PDE1A: variants seen among roughly 807,000 people sequenced by gnomAD.
PDE1A encodes the protein dual specificity calcium/calmodulin-dependent 3',5'-cyclic nucleotide phosphodiesterase 1A.
Under a neutral mutation model 61.7 loss-of-function variants are expected in PDE1A, and 35 were observed. That is an observed-to-expected ratio of 0.57 (90% CI 0.43 to 0.75). PDE1A has a LOEUF of 0.75. PDE1A is among the 30% of genes least tolerant of loss of function. PDE1A has a pLI of 0.00. For missense variants in PDE1A, 597 were observed against 630.6 expected (o/e 0.95, Z 0.57); for synonymous variants, 232 against 213.2 (o/e 1.09, Z -0.77).
At chr2:182,195,330 C>T (rs931002444) in intron 10 of PDE1A, among the ~76,000 whole-genome samples, 1 of 151,996 alleles carries the variant, frequency 6.6e-6, no homozygotes, top group Non-Finnish European at 1.5e-5. Flanking sequence ...CTTTGCTCCT[C>T]ACAATCATCC....
At chr2:182,174,915 C>A (rs1692593349) in intron 13 of PDE1A, among the ~76,000 whole-genome samples, 1 of 152,162 alleles carries the variant, frequency 6.6e-6, no homozygotes, top group South Asian at 2.1e-4. Context: ...CTCTGACAGG[C>A]CCTGGTGTAT....
chr2:182,287,392 A>AT (rs887354007), intron 1 of PDE1A, among the ~76,000 whole-genome samples: 4 of 152,046 alleles, frequency 2.6e-5, no homozygotes, highest in African/African-American at 9.7e-5. Flanking sequence ...CAGGCTATTT[A>AT]TTTTTTATTT....
chr2:182,586,542 A>C, the PDE1A span, among the ~76,000 whole-genome samples: 3 of 152,118 alleles, frequency 2.0e-5, no homozygotes, highest in Admixed American at 2.0e-4. Context: ...TACACTGCAC[A>C]TGGTATTATT....
intron 2 of PDE1A, among the ~76,000 whole-genome samples, chr2:182,464,754 A>C (rs1164800414): frequency 6.6e-6 from 1 of 152,124 alleles, no homozygotes; most frequent in African/African-American, 2.4e-5. Context: ...AAAATCACTG[A>C]AGGGAAACAT....
intron 1 of PDE1A, among the ~76,000 whole-genome samples, chr2:182,339,141 T>G (rs559947785): frequency 1.3e-5 from 2 of 152,178 alleles, no homozygotes; most frequent in Non-Finnish European, 2.9e-5. Flanking sequence ...TAAAAGAAAA[T>G]TTTACAGGGT....
At chr2:182,169,177 A>T (rs1691891924) in intron 13 of PDE1A, among the ~76,000 whole-genome samples, 1 of 152,110 alleles carries the variant, frequency 6.6e-6, no homozygotes, top group African/African-American at 2.4e-5. Flanking sequence ...GAACAATTCT[A>T]AACTCATTGA....
In PDE1A at chr2:182,201,568, C is replaced by G; in HGVS notation, c.1005-9G>C. On this transcript the variant is annotated splice_polypyrimidine_tract_variant and intron_variant, in intron 9 of 13. Coordinates refer to ENST00000351439, the Ensembl canonical transcript of PDE1A. ...TTTTGGCTCTGTCAATCCTGTCAAA[C>G]CAAGGACATGCTTATATTATTCAAA... is the stretch of plus-strand genomic sequence containing the variant. 6.2e-7 allele frequency: 1 copy of G among 1,610,804 alleles called. No homozygotes were observed. Among genetic ancestry groups the G allele is most frequent in the Non-Finnish European group, 8.5e-7 (1 of 1,179,294 alleles).
the PDE1A span, among the ~76,000 whole-genome samples, chr2:182,576,491 T>C: frequency 0.82 from 124,938 of 152,210 alleles, 51,546 homozygotes; most frequent in East Asian, 0.99. Context: ...TGGCTTCCAC[T>C]TTTCTGGCTA....
chr2:182,559,733 C>G, the PDE1A span, among the ~76,000 whole-genome samples: 2 of 152,092 alleles, frequency 1.3e-5, no homozygotes, highest in Non-Finnish European at 2.9e-5. Flanking sequence ...ACCCCAAATG[C>G]TCATCAACGG....
intron 1 of PDE1A, among the ~76,000 whole-genome samples, chr2:182,352,474 C>G (rs182057243): frequency 1.5e-4 from 23 of 152,002 alleles, no homozygotes; most frequent in African/African-American, 5.5e-4. Flanking sequence ...TAAATCTATT[C>G]TACAAAAATG....
intron 11 of PDE1A, among the ~76,000 whole-genome samples, chr2:182,188,049 A>G (rs927730369): frequency 1.3e-4 from 20 of 152,194 alleles, no homozygotes; most frequent in Middle Eastern, 3.4e-3. Context: ...AGCCAGTTCT[A>G]TGTTCTTAAA....
In PDE1A at chr2:182,494,281, A is replaced by G. The variant is rs115510101; in HGVS notation, c.101+27995T>C. Among the ~76,000 whole-genome samples, 892 of 150,512 alleles carry G rather than the reference A, an allele frequency of 5.9e-3. 11 individuals are homozygous for G. Among genetic ancestry groups the G allele is most frequent in the African/African-American group, 0.02 (819 of 40,734 alleles). ...CATCTAAATGTGTAGTAAGCTTACA[A>G]GATCATTTGGATTCTACAAAAAAAA... On this transcript the variant is annotated intron_variant, in intron 2 of 14. Coordinates refer to the PDE1A transcript ENST00000410103.
chr2:182,712,307 G>A, the PDE1A span, among the ~76,000 whole-genome samples: 1 of 152,202 alleles, frequency 6.6e-6, no homozygotes, highest in Non-Finnish European at 1.5e-5. Context: ...CCGCAAATAT[G>A]TTATTGGGAC....
chr2:182,533,460 T>G, the PDE1A span, among the ~76,000 whole-genome samples: 1 of 152,210 alleles, frequency 6.6e-6, no homozygotes, highest in East Asian at 1.9e-4. Flanking sequence ...AGTGATGGAA[T>G]AGCTGCCAGA....
chr2:182,161,427 A>T (rs1409049567), intron 13 of PDE1A, among the ~76,000 whole-genome samples: 1 of 152,008 alleles, frequency 6.6e-6, no homozygotes, highest in Non-Finnish European at 1.5e-5. Context: ...GAGCTCGTAA[A>T]TTCTGAAGAG....
chr2:182,256,971 A>G (rs995446666), intron 2 of PDE1A, among the ~76,000 whole-genome samples: 2 of 152,186 alleles, frequency 1.3e-5, no homozygotes, highest in African/African-American at 4.8e-5. Context: ...TCTGGCTGGT[A>G]GCTTTTTCTC....
intron 7 of PDE1A, among the ~76,000 whole-genome samples, chr2:182,220,375 C>A (rs897255667): frequency 6.6e-6 from 1 of 152,040 alleles, no homozygotes; most frequent in African/African-American, 2.4e-5. Flanking sequence ...CTAGCCATAG[C>A]AGATTTGTCA....
chr2:182,674,583 T>C, the PDE1A span, among the ~76,000 whole-genome samples: 5 of 151,730 alleles, frequency 3.3e-5, no homozygotes, highest in Admixed American at 2.0e-4. Context: ...TACATATATA[T>C]ATATATATAC....
chr2:182,657,837 G>C, the PDE1A span, among the ~76,000 whole-genome samples: 3 of 151,894 alleles, frequency 2.0e-5, no homozygotes, highest in Non-Finnish European at 4.4e-5. Flanking sequence ...GTAGATGAGA[G>C]ATCATCAGCA....
Sources: allele counts gnomAD v4.1 joint callset (sites outside exome capture counted in the v4.1 genomes callset), GRCh38; gene constraint gnomAD v4.1.1; transcripts MANE v1.5; gene names NCBI Gene and HGNC (gene_info 2026-07-23, HGNC 2026-07-21).